The following PGBD5 variants were observed in gnomAD, a reference collection of about 807,000 sequenced individuals.
The protein encoded by PGBD5 is piggyBac transposable element derived 5.
Under a neutral mutation model 47.9 loss-of-function variants are expected in PGBD5, and 14 were observed. That is an observed-to-expected ratio of 0.29 (90% CI 0.19 to 0.46). The LOEUF is 0.46. PGBD5 is among the 20% of genes least tolerant of loss of function. PGBD5 has a pLI of 1.00. For missense variants in PGBD5, 635 were observed against 716.0 expected, an observed-to-expected ratio of 0.89 and a Z score of 1.29; for synonymous variants, 316 against 306.3, an observed-to-expected ratio of 1.03 and a Z score of -0.33.
At chr1:230,360,445 C>T (rs1403585400) in intron 1 of PGBD5, among the ~76,000 whole-genome samples, 1 of 152,198 alleles carries the variant, frequency 6.6e-6, no homozygotes, top group Admixed American at 6.5e-5. Flanking sequence ...TGTGTCCCCA[C>T]CCAAATCTCA....
intron 1 of PGBD5, among the ~76,000 whole-genome samples, chr1:230,389,351 T>C (rs1399067713): frequency 6.6e-6 from 1 of 152,098 alleles, no homozygotes; most frequent in Non-Finnish European, 1.5e-5. Context: ...TTTTGTATTT[T>C]TGGTAGAGAC....
At chr1:230,343,637 TG>T (rs1667438517) in intron 3 of PGBD5, among the ~76,000 whole-genome samples, 1 of 152,198 alleles carries the variant, frequency 6.6e-6, no homozygotes, top group African/African-American at 2.4e-5. Flanking sequence ...ATTAAACAGC[TG>T]GACACATGTC....
chr1:230,397,522 A>G (rs1657015730), intron 1 of PGBD5, among the ~76,000 whole-genome samples: 1 of 152,224 alleles, frequency 6.6e-6, no homozygotes, highest in African/African-American at 2.4e-5. Context: ...TGGCAAATTA[A>G]TCCAAGCAAG....
In PGBD5 at chr1:230,315,806, GTAT is replaced by G. The variant is rs1666927550; in HGVS notation, c.*7616_*7618del. 7.4e-6 allele frequency: 1 copy of G among 135,266 alleles called. No individual in the cohort carries two copies. The highest frequency in any genetic ancestry group is 1.6e-5 in the Non-Finnish European group (1 of 60,962). The allele number at this position is 135,266 out of a possible 1,614,324, so 8.4% of individuals were successfully genotyped here. On this transcript the variant is annotated 3_prime_UTR_variant, in exon 7 of 7. Coordinates refer to ENST00000391860, the MANE Select transcript of PGBD5 (RefSeq NM_001258311.2). ...TATATGTATATATGTATACATATAT[GTAT>G]ATGTGCATACATATAGAGGTATACA...
chr1:230,367,925 T>C (rs1437061404), intron 1 of PGBD5: 1 of 1,355,900 alleles, frequency 7.4e-7, no homozygotes, highest in Non-Finnish European at 9.8e-7. Context: ...GGAAGAGAAC[T>C]TGCTCAAGGT....
chr1:230,367,097 C>T (rs1185349571), intron 1 of PGBD5, among the ~76,000 whole-genome samples: 3 of 151,972 alleles, frequency 2.0e-5, no homozygotes, highest in African/African-American at 7.2e-5. Flanking sequence ...ATTTCTTCCA[C>T]GACTTCTCAG....
rs182187466 is a variant in PGBD5 at position 230,403,466 on chromosome 1, G to A, written c.331+22132C>T. Among the ~76,000 whole-genome samples the A allele has an allele frequency of 2.9e-3, 439 of 152,258 alleles. 1 individual carries two copies. The highest frequency in any genetic ancestry group is 5.1e-3 in the Non-Finnish European group (345 of 68,022). Reference sequence around the variant, plus strand: ...ACTCAGTGTAGTTCCCAGTGGAGAGGTCCAGTGTAGGGCTTCTTCCCTCTC... The same window carrying A: ...ACTCAGTGTAGTTCCCAGTGGAGAGATCCAGTGTAGGGCTTCTTCCCTCTC... On this transcript the variant is annotated intron_variant, in intron 1 of 6. Transcript: ENST00000391860.
chr1:230,374,282 T>C (rs1307890569), intron 1 of PGBD5, among the ~76,000 whole-genome samples: 3 of 152,072 alleles, frequency 2.0e-5, no homozygotes, highest in Non-Finnish European at 1.5e-5. Flanking sequence ...CTGGGCATGG[T>C]GGCAGGCGCC....
At chr1:230,416,545 G>A (rs1657516466) in intron 1 of PGBD5, among the ~76,000 whole-genome samples, 1 of 152,196 alleles carries the variant, frequency 6.6e-6, no homozygotes, top group Non-Finnish European at 1.5e-5. Flanking sequence ...AGGGAAGGTA[G>A]TGATTTTAGA....
intron 1 of PGBD5, among the ~76,000 whole-genome samples, chr1:230,402,506 G>A (rs1277326830): frequency 6.6e-6 from 1 of 152,184 alleles, no homozygotes. Context: ...GCTCACTGTT[G>A]GGGGAGGGGG....
intron 1 of PGBD5, among the ~76,000 whole-genome samples, chr1:230,393,475 G>A (rs554189226): frequency 1.3e-5 from 2 of 152,152 alleles, no homozygotes; most frequent in South Asian, 4.1e-4. Flanking sequence ...GACACGGGAG[G>A]GTCTCTGCTG....
intron 1 of PGBD5, chr1:230,362,372 T>C: frequency 7.3e-7 from 1 of 1,365,552 alleles, no homozygotes; most frequent in Non-Finnish European, 9.8e-7. Context: ...TGTCGCTGCC[T>C]CTGGCCTGGA....
At chr1:230,404,277 G>A (rs575176110) in intron 1 of PGBD5, among the ~76,000 whole-genome samples, 146 of 152,184 alleles carry the variant, frequency 9.6e-4, no homozygotes, top group African/African-American at 3.2e-3. Context: ...CTAGGAGCTC[G>A]AGACTAGCCT....
At chr1:230,383,663 T>C (rs1011598258) in intron 1 of PGBD5, among the ~76,000 whole-genome samples, 1 of 152,144 alleles carries the variant, frequency 6.6e-6, no homozygotes, top group African/African-American at 2.4e-5. Flanking sequence ...GGATTACAGG[T>C]GTGAGCCATC....
chr1:230,323,350 C>G lies in PGBD5; in HGVS notation c.*75G>C. The G allele has an allele frequency of 6.5e-7, 1 of 1,538,622 alleles. No individual in the cohort carries two copies. The highest frequency in any genetic ancestry group is 8.8e-7 in the Non-Finnish European group (1 of 1,141,582). On this transcript the variant is annotated 3_prime_UTR_variant, in exon 7 of 7. Transcript: ENST00000391860. The surrounding 1 kb of genome is among the most constrained non-coding windows in gnomAD (Gnocchi z 4.1). ...CACACACCAGGCCGTGTCCGGGTCTCTGATGGGCAAGTTGGAACGGCAGGC... is the reference window on the plus strand; with the variant it reads ...CACACACCAGGCCGTGTCCGGGTCTGTGATGGGCAAGTTGGAACGGCAGGC...
Position 230,357,164 on chromosome 1 carries a change from C to T in PGBD5, c.489G>A (p.Thr163=), listed in dbSNP as rs745408177. 16 of 1,614,014 alleles carry T rather than the reference C, an allele frequency of 9.9e-6. No homozygotes were observed. The East Asian group carries it at 1.1e-4, about 11-fold the overall frequency. The part of the protein sequence containing the change: ...FGSDGAWVEV[T]LTEMKAFLGY... ...CCAGGAACGCCTTCATCTCCGTCAG[C>T]GTCACCTCCACCCAGGCTCCGTCGC... Residue 163 remains threonine (T), a synonymous_variant, in exon 2 of 7, where the codon ACG becomes ACA. Coordinates refer to ENST00000391860, the MANE Select transcript of PGBD5 (RefSeq NM_001258311.2). This position sits in a 1 kb window ranked among gnomAD's most constrained non-coding sequence, Gnocchi z 5.7.
At chr1:230,394,502 T>C (rs1260964688) in intron 1 of PGBD5, among the ~76,000 whole-genome samples, 5 of 138,800 alleles carry the variant, frequency 3.6e-5, no homozygotes, top group Non-Finnish European at 6.1e-5. Flanking sequence ...CTGTGCTTCT[T>C]CCCATCCCCA....
At chr1:230,406,331 A>AAAAG (rs1657296755) in intron 1 of PGBD5, among the ~76,000 whole-genome samples, 2 of 151,508 alleles carry the variant, frequency 1.3e-5, no homozygotes, top group African/African-American at 4.8e-5. Context: ...AAAAAAAAAA[A>AAAAG]AAAGAAATTC....
At chr1:230,384,278 G>C (rs1656584909) in intron 1 of PGBD5, among the ~76,000 whole-genome samples, 1 of 152,152 alleles carries the variant, frequency 6.6e-6, no homozygotes, top group South Asian at 2.1e-4. Flanking sequence ...TGTGACTCTG[G>C]ATCACTGGGT....
Sources: allele counts gnomAD v4.1 joint callset (sites outside exome capture counted in the v4.1 genomes callset), GRCh38; gene constraint gnomAD v4.1.1; non-coding constraint Gnocchi (gnomAD v3.1); transcripts MANE v1.5; gene names NCBI Gene and HGNC (gene_info 2026-07-23, HGNC 2026-07-21).